ELMOD2: variants seen among roughly 807,000 people sequenced by gnomAD.
ELMOD2 encodes the protein ELMO domain-containing protein 2.
In ELMOD2, 28 loss-of-function variants were observed where a neutral mutation model predicts 41.0. The observed-to-expected ratio is 0.68, with a 90% CI of 0.51 to 0.94. The LOEUF (loss-of-function observed/expected upper bound fraction) is 0.94. Ranked by LOEUF, ELMOD2 falls within the 40% of genes least tolerant of loss-of-function variation. ELMOD2 has a pLI of 0.00. For synonymous variants in ELMOD2, 106 were observed against 107.2 expected (o/e 0.99, Z 0.07); for missense variants, 333 against 343.1 (o/e 0.97, Z 0.23).
Position 140,535,713 on chromosome 4 carries a change from GCTTT to G in ELMOD2, c.172-15_172-12del. 1.3e-6 allele frequency: 2 copies of G among 1,596,098 alleles called. No individual in the cohort carries two copies. The highest frequency in any genetic ancestry group is 1.7e-6 in the Non-Finnish European group (2 of 1,171,656). On this transcript the variant is annotated splice_polypyrimidine_tract_variant and intron_variant, in intron 3 of 8. Coordinates refer to ENST00000323570, the MANE Select transcript of ELMOD2 (RefSeq NM_153702.4). ...AGCTACAAAGAATTTTTCTCATTTG[GCTTT>G]CTTTTACATAAATAGGTTTTACAGA... is the stretch of plus-strand genomic sequence containing the variant.
chr4:140,530,212 C>A (rs897825812), intron 3 of ELMOD2, among the ~76,000 whole-genome samples: 1 of 152,074 alleles, frequency 6.6e-6, no homozygotes, highest in African/African-American at 2.4e-5. Flanking sequence ...CAGTTTTGGT[C>A]ACAGAATTTA....
chr4:140,537,165 GA>G (rs1734955494), intron 4 of ELMOD2, among the ~76,000 whole-genome samples: 1 of 152,138 alleles, frequency 6.6e-6, no homozygotes, highest in Non-Finnish European at 1.5e-5. Flanking sequence ...AACATGAAGA[GA>G]AAATCCTTCA....
In ELMOD2 at chr4:140,550,465, CTT is replaced by C. The variant is rs576590555; in HGVS notation, c.*91_*92del. 1,552 of 1,243,318 alleles carry C rather than the reference CTT, an allele frequency of 1.2e-3. 3 individuals carry two copies. The highest frequency in any genetic ancestry group is 3.8e-3 in the Middle Eastern group (13 of 3,378). The allele number at this position is 1,243,318 out of a possible 1,614,324, so 77.0% of individuals were successfully genotyped here. A position where few individuals can be genotyped will look rare whatever the true frequency, so the allele number is the denominator to read the frequency against. ...TAGGAATTATCTGATCAATTACACT[CTT>C]ATATATAATTTCCTACAAAAATATT... On this transcript the variant is annotated 3_prime_UTR_variant, in exon 9 of 9. Transcript: ENST00000323570.
At chr4:140,535,923 G>C in intron 4 of ELMOD2, 93 bp downstream of exon 4, 1 of 1,128,410 alleles carries the variant, frequency 8.9e-7, no homozygotes, top group East Asian at 2.7e-5. Context: ...AGAGCTGAAG[G>C]GTTTGTGGAG....
chr4:140,542,481 C>A, intron 6 of ELMOD2, 93 bp from the exon 7 acceptor site: 1 of 869,366 alleles, frequency 1.2e-6, no homozygotes, highest in South Asian at 1.7e-5. Flanking sequence ...AATACTAGGA[C>A]TATGATTTTG....
chr4:140,527,653 A>G, intron 3 of ELMOD2, 159 bp downstream of exon 3: 3 of 577,282 alleles, frequency 5.2e-6, no homozygotes, highest in Non-Finnish European at 6.0e-6. Context: ...ACATTTCTCT[A>G]TATATGTGTT....
At position 140,533,858 on chromosome 4, in the gene ELMOD2, G is replaced by A. The variant is rs528728359; in HGVS notation, c.172-1875G>A. Among the ~76,000 whole-genome samples, 5 of 152,076 alleles carry A rather than the reference G, an allele frequency of 3.3e-5. No individual in the cohort carries two copies. The South Asian group carries it at 6.2e-4, about 19-fold the overall frequency. On this transcript the variant is annotated intron_variant, in intron 3 of 8. Coordinates refer to ENST00000323570, the MANE Select transcript of ELMOD2 (RefSeq NM_153702.4). ...TGTGTGTGTGTATGTATACACACTTGGAAAAGTGCTCAGCATTATTAGTCA... is the reference window on the plus strand; with the variant it reads ...TGTGTGTGTGTATGTATACACACTTAGAAAAGTGCTCAGCATTATTAGTCA...
At chr4:140,529,092 A>G (rs933579037) in intron 3 of ELMOD2, among the ~76,000 whole-genome samples, 5 of 152,214 alleles carry the variant, frequency 3.3e-5, no homozygotes, top group Admixed American at 6.5e-5. Flanking sequence ...CTGGAGGCCT[A>G]TTAAAACACA....
intron 3 of ELMOD2, among the ~76,000 whole-genome samples, chr4:140,533,949 A>G (rs1391916796): frequency 1.3e-5 from 2 of 152,136 alleles, no homozygotes; most frequent in Non-Finnish European, 2.9e-5. Flanking sequence ...CCTAAATGAA[A>G]TAGACGAACA....
chr4:140,553,403 C>T lies in ELMOD2; in HGVS notation c.*3028C>T, dbSNP rs1735521054. ...TGTGGGGAGGCTTACTTTCCATTTT[C>T]ATATTTATACACCTCTCTACAAAAG... is the stretch of plus-strand genomic sequence containing the variant. On this transcript the variant is annotated 3_prime_UTR_variant, in exon 9 of 9. Coordinates refer to ENST00000323570, the MANE Select transcript of ELMOD2 (RefSeq NM_153702.4). 1 of 152,102 alleles carries T rather than the reference C, an allele frequency of 6.6e-6. No homozygotes were observed. The highest frequency in any genetic ancestry group is 2.4e-5 in the African/African-American group (1 of 41,410). 9.4% of individuals were successfully genotyped at this position (152,102 alleles called of 1,614,324 possible).
intron 8 of ELMOD2, 65 bp from the exon 9 acceptor site, chr4:140,550,165 G>A: frequency 7.3e-7 from 1 of 1,366,496 alleles, no homozygotes; most frequent in Non-Finnish European, 1.0e-6. Flanking sequence ...ACTTTGTAAA[G>A]ATGAGACGGT....
chr4:140,528,859 T>C (rs1307636258), intron 3 of ELMOD2, among the ~76,000 whole-genome samples: 2 of 152,242 alleles, frequency 1.3e-5, no homozygotes, highest in Non-Finnish European at 1.5e-5. Context: ...GTGATTAATA[T>C]ATTTTTTAAA....
chr4:140,539,359 G>A (rs372672458), intron 5 of ELMOD2, among the ~76,000 whole-genome samples: 1 of 141,890 alleles, frequency 7.0e-6, no homozygotes, highest in Non-Finnish European at 1.6e-5. Flanking sequence ...TAGTTGGTTT[G>A]TTTTTTTTTT....
Position 140,550,595 on chromosome 4 carries a change from G to A in ELMOD2, c.*220G>A, listed in dbSNP as rs1735443078. On this transcript the variant is annotated 3_prime_UTR_variant, in exon 9 of 9. Coordinates refer to ENST00000323570, the MANE Select transcript of ELMOD2 (RefSeq NM_153702.4). ...CCTTATCCTTCCAAAGATCCCCTCT[G>A]TAGAGTCATGCGAACTACAGTTTGG... is the stretch of plus-strand genomic sequence containing the variant. 5.6e-6 allele frequency: 2 copies of A among 356,530 alleles called. No homozygotes were observed. Among genetic ancestry groups the A allele is most frequent in the Non-Finnish European group, 9.7e-6 (2 of 205,614 alleles). The allele number at this position is 356,530 out of a possible 1,614,324, so 22.1% of individuals were successfully genotyped here. A position where few individuals can be genotyped will look rare whatever the true frequency, so the allele number is the denominator to read the frequency against.
At chr4:140,536,113 A>G (rs544527233) in intron 4 of ELMOD2, among the ~76,000 whole-genome samples, 2 of 152,138 alleles carry the variant, frequency 1.3e-5, no homozygotes, top group Non-Finnish European at 2.9e-5. Context: ...AACTTTGGCT[A>G]CTATGTCTTT....
chr4:140,545,231 C>A (rs562744787), intron 8 of ELMOD2, among the ~76,000 whole-genome samples: 2 of 152,042 alleles, frequency 1.3e-5, no homozygotes, highest in Non-Finnish European at 2.9e-5. Context: ...CGTTTCTTTT[C>A]GAAACATTAT....
chr4:140,526,214 T>C (rs908793445), intron 2 of ELMOD2, among the ~76,000 whole-genome samples: 3 of 152,242 alleles, frequency 2.0e-5, no homozygotes, highest in Non-Finnish European at 2.9e-5. Flanking sequence ...ATTTTGGATA[T>C]GTTGGGTTAA....
chr4:140,541,301 T>C (rs1321081825), intron 6 of ELMOD2, among the ~76,000 whole-genome samples: 1 of 152,146 alleles, frequency 6.6e-6, no homozygotes, highest in Non-Finnish European at 1.5e-5. Flanking sequence ...AATCCTGATA[T>C]TGGCTAAATT....
At chr4:140,546,837 T>G (rs532870217) in intron 8 of ELMOD2, among the ~76,000 whole-genome samples, 1 of 152,188 alleles carries the variant, frequency 6.6e-6, no homozygotes, top group East Asian at 1.9e-4. Context: ...GTGTAATATC[T>G]GAGGTAGAAA....
Sources: gnomAD v4.1 joint callset for allele counts (sites outside exome capture counted in the v4.1 genomes callset) on GRCh38, gnomAD v4.1.1 for gene constraint, MANE v1.5 for transcripts, NCBI Gene and HGNC (gene_info 2026-07-23, HGNC 2026-07-21) for gene names.